The following TRHDE variants were observed in gnomAD, a reference collection of about 807,000 sequenced individuals.
The protein encoded by TRHDE is thyrotropin releasing hormone degrading enzyme.
Under a neutral mutation model 125.7 loss-of-function variants are expected in TRHDE, and 72 were observed. The observed-to-expected ratio is 0.57, with a 90% CI of 0.47 to 0.70. The LOEUF (loss-of-function observed/expected upper bound fraction) is 0.70, where lower values mean the gene tolerates loss of function less well. TRHDE is among the 30% of genes least tolerant of loss of function. TRHDE has a pLI of 0.00. For synonymous variants in TRHDE, 509 were observed against 509.1 expected (o/e 1.00, Z 0.00); for missense variants, 1,110 against 1,327.1 (o/e 0.84, Z 2.54).
rs138166833 is a variant in TRHDE, at chr12:72,275,782, C to T, written c.914+2225C>T. On this transcript the variant is annotated intron_variant, in intron 1 of 18. Coordinates refer to ENST00000261180, the MANE Select transcript of TRHDE (RefSeq NM_013381.3). Reference sequence around the variant, plus strand: ...TAACTGATTTCTTGTACCCCTAGTGCGTATTTGTACTCAAACTCTCTTGCA... The same window carrying T: ...TAACTGATTTCTTGTACCCCTAGTGTGTATTTGTACTCAAACTCTCTTGCA... 3.1e-4 allele frequency among the ~76,000 whole-genome samples: 47 copies of T among 152,202 alleles called. No homozygotes were observed. In the East Asian group the frequency reaches 7.7e-3, roughly 25 times the overall value.
chr12:72,352,530 A>G (rs1306992470), intron 2 of TRHDE, among the ~76,000 whole-genome samples: 1 of 151,872 alleles, frequency 6.6e-6, no homozygotes, highest in East Asian at 1.9e-4. Flanking sequence ...TTTGTACTGA[A>G]TAATACTTTT....
chr12:72,225,294 A>ATT lies in TRHDE; in HGVS notation n.279+119543_279+119544dup, dbSNP rs562235426. Among the ~76,000 whole-genome samples, 15 of 152,304 alleles carry ATT rather than the reference A, an allele frequency of 9.8e-5. No homozygotes were observed. The South Asian group carries it at 3.1e-3, about 32-fold the overall frequency. On this transcript the variant is annotated intron_variant and non_coding_transcript_variant, in intron 2 of 4. Transcript: ENST00000548156. ...CTCAGATAAGGAATGAATGTGCAAC[A>ATT]TTAGCCTCATAAGCAGCACACCCTC...
At chr12:72,167,174 C>G (rs772165122) in intron 2 of TRHDE, among the ~76,000 whole-genome samples, 2 of 152,112 alleles carry the variant, frequency 1.3e-5, no homozygotes, top group Non-Finnish European at 2.9e-5. Context: ...ACTCTTTCTC[C>G]AGCCACTCCA....
chr12:72,118,174 T>A (rs559000838), intron 2 of TRHDE, among the ~76,000 whole-genome samples: 18 of 152,230 alleles, frequency 1.2e-4, no homozygotes, highest in African/African-American at 4.3e-4. Context: ...CCATTCAATA[T>A]AATACTAGCT....
At chr12:72,233,757 C>T (rs1162439286) in intron 2 of TRHDE, among the ~76,000 whole-genome samples, 3 of 152,072 alleles carry the variant, frequency 2.0e-5, no homozygotes. Flanking sequence ...ATAGAGCAGC[C>T]TCTAGATAAA....
chr12:72,233,831 T>G (rs922580400), intron 2 of TRHDE, among the ~76,000 whole-genome samples: 1 of 152,182 alleles, frequency 6.6e-6, no homozygotes, highest in Non-Finnish European at 1.5e-5. Flanking sequence ...GATTCCACTT[T>G]TTTCCCAAGA....
intron 6 of TRHDE, among the ~76,000 whole-genome samples, chr12:72,500,275 C>G (rs1878091485): frequency 6.6e-6 from 1 of 152,264 alleles, no homozygotes; most frequent in African/African-American, 2.4e-5. Flanking sequence ...CTAATTTTAA[C>G]ATGATGATGT....
intron 2 of TRHDE, among the ~76,000 whole-genome samples, chr12:72,372,669 T>G (rs542462068): frequency 1.3e-5 from 2 of 152,340 alleles, no homozygotes; most frequent in South Asian, 4.1e-4. Flanking sequence ...TTGCTTGTTT[T>G]TCTCAGGTTT....
intron 12 of TRHDE, among the ~76,000 whole-genome samples, chr12:72,610,207 A>G (rs1396267648): frequency 6.6e-6 from 1 of 152,234 alleles, no homozygotes; most frequent in African/African-American, 2.4e-5. Flanking sequence ...TTAAACAATA[A>G]AAAACGTGTG....
At chr12:72,411,646 A>G (rs1873514198) in intron 3 of TRHDE, among the ~76,000 whole-genome samples, 1 of 152,136 alleles carries the variant, frequency 6.6e-6, no homozygotes, top group African/African-American at 2.4e-5. Context: ...AAGCTTGTTC[A>G]AAAGGTATAT....
intron 15 of TRHDE, among the ~76,000 whole-genome samples, chr12:72,647,285 A>G (rs1422295024): frequency 6.6e-6 from 1 of 152,064 alleles, no homozygotes; most frequent in Non-Finnish European, 1.5e-5. Flanking sequence ...TGAAAGCACA[A>G]TGAATGCACA....
At chr12:72,364,508 T>G (rs745393021) in intron 2 of TRHDE, among the ~76,000 whole-genome samples, 6 of 152,050 alleles carry the variant, frequency 3.9e-5, no homozygotes, top group Non-Finnish European at 8.8e-5. Flanking sequence ...TCTACTTGTT[T>G]GGTTCACTCT....
chr12:72,394,000 G>T (rs1872699477), intron 3 of TRHDE, among the ~76,000 whole-genome samples: 1 of 152,138 alleles, frequency 6.6e-6, no homozygotes, highest in Non-Finnish European at 1.5e-5. Flanking sequence ...CTGTAAACGT[G>T]TACACCTGGC....
At chr12:72,445,379 C>T (rs1053257077) in intron 3 of TRHDE, among the ~76,000 whole-genome samples, 6 of 151,838 alleles carry the variant, frequency 4.0e-5, no homozygotes, top group Non-Finnish European at 7.4e-5. Flanking sequence ...TACTCAAATG[C>T]CTCAGCCCTT....
chr12:72,352,653 G>A (rs1870634654), intron 2 of TRHDE, among the ~76,000 whole-genome samples: 1 of 151,732 alleles, frequency 6.6e-6, no homozygotes, highest in Non-Finnish European at 1.5e-5. Context: ...TTACTAGAAA[G>A]ATGTTCATAA....
intron 6 of TRHDE, among the ~76,000 whole-genome samples, chr12:72,520,763 G>T (rs546439309): frequency 7.1e-4 from 108 of 152,194 alleles, no homozygotes; most frequent in African/African-American, 2.5e-3. Flanking sequence ...TGGAGCTCTG[G>T]GTTCGATCTA....
At chr12:72,329,561 A>G (rs1869489544) in intron 2 of TRHDE, among the ~76,000 whole-genome samples, 1 of 152,214 alleles carries the variant, frequency 6.6e-6, no homozygotes, top group South Asian at 2.1e-4. Context: ...TTGTTCAAAA[A>G]ACCAATTTCT....
chr12:72,287,031 A>T, intron 2 of TRHDE, 77 bp downstream of exon 2: 1 of 1,456,276 alleles, frequency 6.9e-7, no homozygotes, highest in South Asian at 1.3e-5. Context: ...ATTAACAGTG[A>T]GTCATTTCTA....
intron 2 of TRHDE, among the ~76,000 whole-genome samples, chr12:72,203,332 G>A (rs1279800078): frequency 3.3e-5 from 5 of 152,184 alleles, no homozygotes; most frequent in African/African-American, 1.2e-4. Context: ...GCCGCGCGTG[G>A]TGGCAGGCGC....
Sources: gnomAD v4.1 joint callset for allele counts (sites outside exome capture counted in the v4.1 genomes callset) on GRCh38, gnomAD v4.1.1 for gene constraint, MANE v1.5 for transcripts, NCBI Gene and HGNC (gene_info 2026-07-23, HGNC 2026-07-21) for gene names.